Variants in DPP10 observed in about 807,000 individuals in gnomAD.
The protein encoded by DPP10 is inactive dipeptidyl peptidase 10.
In DPP10, 33 loss-of-function variants were observed where a neutral mutation model predicts 120.9. The ratio of observed to expected loss-of-function variants is 0.27; its 90% CI spans 0.21 to 0.37. DPP10 has a LOEUF of 0.37. Among genes scored for constraint, DPP10 ranks in the 10% least tolerant of loss-of-function variants. The probability of loss-of-function intolerance (pLI) is 1.00; values close to 1 mark genes in which losing one functional copy is unlikely to be tolerated. For missense variants in DPP10, 816 were observed against 942.8 expected, an observed-to-expected ratio of 0.87 and a Z score of 1.76; for synonymous variants, 337 against 326.1, an observed-to-expected ratio of 1.03 and a Z score of -0.36.
Position 115,660,655 on chromosome 2 carries a change from C to CTTTTTTTTTTTTTTTTTTTTTT in DPP10, c.442-29029_442-29008dup. On this transcript the variant is annotated intron_variant, in intron 5 of 25. Transcript: ENST00000410059. ...CCTTCCTTTCATTCTCTCTGTCTGG[C>CTTTTTTTTTTTTTTTTTTTTTT]TTTTTTTTTTTTTTTTTTTTTTTTG... 8.7e-4 allele frequency among the ~76,000 whole-genome samples: 22 copies of CTTTTTTTTTTTTTTTTTTTTTT among 25,316 alleles called. 2 individuals carry two copies. Among genetic ancestry groups the CTTTTTTTTTTTTTTTTTTTTTT allele is most frequent in the African/African-American group, 1.3e-3 (14 of 10,550 alleles). The allele number at this position is 25,316 out of a possible 152,430, so 16.6% of individuals were successfully genotyped here. A position where few individuals can be genotyped will look rare whatever the true frequency, so the allele number is the denominator to read the frequency against.
intron 1 of DPP10, among the ~76,000 whole-genome samples, chr2:115,287,631 T>C (rs2060457431): frequency 6.6e-6 from 1 of 152,136 alleles, no homozygotes; most frequent in Non-Finnish European, 1.5e-5. Context: ...ATTCCACTCA[T>C]TTTTATGGCT....
chr2:115,842,219 A>C lies in DPP10; in HGVS notation c.2265A>C (p.Pro755=). Residue 755 remains proline (P), a synonymous_variant, in exon 26 of 26, where the codon CCA becomes CCC. Coordinates refer to ENST00000410059, the MANE Select transcript of DPP10 (RefSeq NM_020868.6). ...AGVNYTMQVY[P]DEGHNVSEKS... ...TCTCCTCAATATCTTAGGTCTACCCAGATGAAGGTCATAACGTATCTGAGA... is the reference window on the plus strand; with the variant it reads ...TCTCCTCAATATCTTAGGTCTACCCCGATGAAGGTCATAACGTATCTGAGA... 2 of 1,609,892 alleles carry C rather than the reference A, an allele frequency of 1.2e-6. No individual in the cohort carries two copies. The highest frequency in any genetic ancestry group is 1.7e-6 in the Non-Finnish European group (2 of 1,176,858).
chr2:114,945,557 G>T (rs1192265033), intron 1 of DPP10, among the ~76,000 whole-genome samples: 1 of 152,178 alleles, frequency 6.6e-6, no homozygotes, highest in Non-Finnish European at 1.5e-5. Flanking sequence ...GCTCAATCCT[G>T]TAATCCCAGC....
At chr2:115,689,588 C>T (rs2091194751) in intron 5 of DPP10, 99 bp from the exon 6 acceptor site, 3 of 810,962 alleles carry the variant, frequency 3.7e-6, no homozygotes, top group Non-Finnish European at 5.7e-6. Flanking sequence ...TTCTGCCTAA[C>T]ACCAATTCTT....
chr2:114,976,642 G>A (rs1165138258), intron 1 of DPP10, among the ~76,000 whole-genome samples: 2 of 152,154 alleles, frequency 1.3e-5, no homozygotes, highest in East Asian at 3.9e-4. Flanking sequence ...TTTGAAAACA[G>A]CATACTTTTT....
At chr2:115,572,356 T>C (rs2081385983) in intron 5 of DPP10, among the ~76,000 whole-genome samples, 1 of 152,196 alleles carries the variant, frequency 6.6e-6, no homozygotes, top group African/African-American at 2.4e-5. Context: ...AGTTTAGAAT[T>C]GTCAGTGAAA....
chr2:114,445,839 A>G (rs1266083228), intron 1 of DPP10, among the ~76,000 whole-genome samples: 1 of 152,126 alleles, frequency 6.6e-6, no homozygotes, highest in African/African-American at 2.4e-5. Context: ...TCCTATCGTC[A>G]AAACCAGTAA....
chr2:115,260,251 T>C (rs566642701), intron 1 of DPP10, among the ~76,000 whole-genome samples: 1 of 152,192 alleles, frequency 6.6e-6, no homozygotes, highest in South Asian at 2.1e-4. Flanking sequence ...TTTCAAGCCT[T>C]TTGTTAATAT....
intron 1 of DPP10, among the ~76,000 whole-genome samples, chr2:115,035,253 T>G (rs1704147697): frequency 6.6e-6 from 1 of 152,224 alleles, no homozygotes; most frequent in South Asian, 2.1e-4. Flanking sequence ...ACTCTTTCCC[T>G]ACCTAGCTCC....
chr2:114,743,932 G>A (rs962328576), intron 1 of DPP10, among the ~76,000 whole-genome samples: 2 of 151,912 alleles, frequency 1.3e-5, no homozygotes, highest in African/African-American at 2.4e-5. Flanking sequence ...TTGCTAATAA[G>A]CAACTTTATT....
intron 1 of DPP10, among the ~76,000 whole-genome samples, chr2:114,632,160 T>G (rs1377714396): frequency 6.6e-6 from 1 of 152,164 alleles, no homozygotes; most frequent in Non-Finnish European, 1.5e-5. Flanking sequence ...GAATGCTTTC[T>G]TATTATGTCA....
intron 5 of DPP10, among the ~76,000 whole-genome samples, chr2:115,653,005 T>A (rs994881029): frequency 6.6e-6 from 1 of 151,898 alleles, no homozygotes; most frequent in East Asian, 1.9e-4. Context: ...TCAAAATAAA[T>A]GTTCTAATTA....
intron 1 of DPP10, among the ~76,000 whole-genome samples, chr2:114,691,044 C>T (rs66896731): frequency 0.47 from 71,887 of 151,760 alleles, 17,303 homozygotes; most frequent in South Asian, 0.59. Flanking sequence ...CTCTTCCTAT[C>T]TGAATACTGT....
intron 1 of DPP10, among the ~76,000 whole-genome samples, chr2:114,479,645 G>A (rs1376172517): frequency 6.6e-6 from 1 of 152,124 alleles, no homozygotes; most frequent in Admixed American, 6.6e-5. Flanking sequence ...ATGGTGCTGG[G>A]AAAACTGGCT....
At chr2:114,512,181 C>A (rs1258533903) in intron 1 of DPP10, among the ~76,000 whole-genome samples, 1 of 152,170 alleles carries the variant, frequency 6.6e-6, no homozygotes, top group Non-Finnish European at 1.5e-5. Flanking sequence ...AAACATAACT[C>A]AGATGATCTT....
intron 7 of DPP10, among the ~76,000 whole-genome samples, chr2:115,700,400 A>C (rs899284072): frequency 2.0e-5 from 3 of 152,178 alleles, no homozygotes; most frequent in Non-Finnish European, 2.9e-5. Flanking sequence ...GACTAAAAAA[A>C]AACAACAAAC....
chr2:115,712,656 T>G (rs1294966273), intron 7 of DPP10, among the ~76,000 whole-genome samples: 2 of 147,864 alleles, frequency 1.4e-5, no homozygotes, highest in East Asian at 4.1e-4. Context: ...TAAAGAATCA[T>G]ATAGTAAATA....
rs2082328616 is a variant in DPP10, at chr2:115,587,043, A to C, written c.441+61071A>C. On this transcript the variant is annotated intron_variant, in intron 5 of 25. Coordinates refer to ENST00000410059, the MANE Select transcript of DPP10 (RefSeq NM_020868.6). Reference sequence around the variant, plus strand: ...CTTGTTTTATAACTGAAAGTTTATAACCTTTGACCAACATTGTCCTTTTTT... The same window carrying C: ...CTTGTTTTATAACTGAAAGTTTATACCCTTTGACCAACATTGTCCTTTTTT... 1.3e-5 allele frequency among the ~76,000 whole-genome samples: 2 copies of C among 148,916 alleles called. 1 individual carries two copies. Among genetic ancestry groups the C allele is most frequent in the South Asian group, 4.3e-4 (2 of 4,658 alleles).
At chr2:114,774,382 A>G (rs1467612698) in intron 1 of DPP10, among the ~76,000 whole-genome samples, 2 of 151,476 alleles carry the variant, frequency 1.3e-5, no homozygotes, top group Non-Finnish European at 2.9e-5. Context: ...AGAATGCCAT[A>G]TTTGGACCTA....
Sources: gnomAD v4.1 joint callset for allele counts (sites outside exome capture counted in the v4.1 genomes callset) on GRCh38, gnomAD v4.1.1 for gene constraint, MANE v1.5 for transcripts, NCBI Gene and HGNC (gene_info 2026-07-23, HGNC 2026-07-21) for gene names.